SNTG1: variants seen among roughly 807,000 people sequenced by gnomAD.
SNTG1 encodes the protein syntrophin gamma 1.
Under a neutral mutation model 74.7 loss-of-function variants are expected in SNTG1, and 39 were observed. The observed-to-expected ratio is 0.52, with a 90% confidence interval of 0.40 to 0.68. The LOEUF (loss-of-function observed/expected upper bound fraction) is 0.68. Among genes scored for constraint, SNTG1 ranks in the 30% least tolerant of loss-of-function variants. SNTG1 has a pLI of 0.00. For synonymous variants in SNTG1, 254 were observed against 217.1 expected (o/e 1.17, Z -1.49); for missense variants, 685 against 609.5 (o/e 1.12, Z -1.30).
Position 50,773,862 on chromosome 8 carries a change from A to C in SNTG1, c.1396-18809A>C, listed in dbSNP as rs571254542. Among the ~76,000 whole-genome samples, 31 of 152,268 alleles carry C rather than the reference A, an allele frequency of 2.0e-4. No individual in the cohort carries two copies. In the East Asian group the frequency reaches 4.3e-3, roughly 21 times the overall value. ...GGTCTAAATGAAGCTATGCCCAAAG[A>C]ATTAACCTGTTTGACCAAATAGAGA... On this transcript the variant is annotated intron_variant, in intron 18 of 18. Coordinates refer to ENST00000642720, the MANE Select transcript of SNTG1 (RefSeq NM_018967.5).
intron 2 of SNTG1, among the ~76,000 whole-genome samples, chr8:50,178,378 T>C (rs1229195836): frequency 1.3e-5 from 2 of 151,556 alleles, no homozygotes; most frequent in East Asian, 3.9e-4. Context: ...TTTCTGTCAC[T>C]TTCTGTCTCT....
At chr8:50,736,761 T>C (rs1431400211) in intron 17 of SNTG1, among the ~76,000 whole-genome samples, 1 of 152,072 alleles carries the variant, frequency 6.6e-6, no homozygotes, top group Admixed American at 6.6e-5. Context: ...AACTCAGGAC[T>C]AAGAAACTCA....
At chr8:50,472,237 G>A (rs2093659480) in intron 8 of SNTG1, among the ~76,000 whole-genome samples, 1 of 152,090 alleles carries the variant, frequency 6.6e-6, no homozygotes, top group Admixed American at 6.6e-5. Context: ...AAGAGCAAAA[G>A]TTATATTGAA....
At chr8:50,646,216 C>A (rs2095108165) in intron 13 of SNTG1, among the ~76,000 whole-genome samples, 1 of 152,118 alleles carries the variant, frequency 6.6e-6, no homozygotes, top group Non-Finnish European at 1.5e-5. Flanking sequence ...AATACACAGC[C>A]TTACCGGCTG....
chr8:50,478,912 TTTAA>T (rs1458663009), intron 8 of SNTG1, among the ~76,000 whole-genome samples: 1 of 152,202 alleles, frequency 6.6e-6, no homozygotes, highest in East Asian at 1.9e-4. Context: ...TTCCTCTTAT[TTTAA>T]TTAATCTAAT....
intron 12 of SNTG1, among the ~76,000 whole-genome samples, chr8:50,582,048 C>T (rs1563607490): frequency 6.6e-6 from 1 of 152,140 alleles, no homozygotes; most frequent in African/African-American, 2.4e-5. Flanking sequence ...CTTCCCAGCC[C>T]TATTTTGTCT....
intron 1 of SNTG1, among the ~76,000 whole-genome samples, chr8:49,995,315 C>A (rs976148074): frequency 5.3e-5 from 8 of 152,070 alleles, no homozygotes; most frequent in Non-Finnish European, 1.0e-4. Flanking sequence ...TTTTAGGTGG[C>A]TTTTTAAAAG....
At chr8:50,091,253 T>C (rs1025959351) in intron 1 of SNTG1, among the ~76,000 whole-genome samples, 1 of 152,106 alleles carries the variant, frequency 6.6e-6, no homozygotes, top group African/African-American at 2.4e-5. Context: ...GAAATTTACA[T>C]AACGGTCTCG....
intron 1 of SNTG1, among the ~76,000 whole-genome samples, chr8:50,038,265 C>T (rs543922461): frequency 7.9e-5 from 12 of 152,210 alleles, no homozygotes; most frequent in African/African-American, 2.4e-4. Context: ...AGGCAAGAAT[C>T]GGGTGGACTA....
intron 2 of SNTG1, among the ~76,000 whole-genome samples, chr8:50,352,395 C>A (rs2091689059): frequency 6.7e-6 from 1 of 149,234 alleles, no homozygotes; most frequent in African/African-American, 2.5e-5. Flanking sequence ...TTCGTTCTTT[C>A]TCTTTTTTTT....
chr8:50,318,353 C>A (rs544880844), intron 2 of SNTG1, among the ~76,000 whole-genome samples: 2 of 152,280 alleles, frequency 1.3e-5, no homozygotes, highest in African/African-American at 4.8e-5. Context: ...TAAAAAGCAT[C>A]GGTATTTCTT....
At chr8:50,315,278 G>C (rs1198356380) in intron 2 of SNTG1, among the ~76,000 whole-genome samples, 2 of 149,596 alleles carry the variant, frequency 1.3e-5, no homozygotes, top group African/African-American at 5.0e-5. Flanking sequence ...CTACGGAAAA[G>C]GAACAATATC....
intron 4 of SNTG1, among the ~76,000 whole-genome samples, chr8:50,422,054 C>G (rs2093094639): frequency 6.6e-6 from 1 of 152,036 alleles, no homozygotes; most frequent in Non-Finnish European, 1.5e-5. Context: ...CTCAATCTCT[C>G]CTAGACCTGG....
chr8:50,564,967 G>A lies in SNTG1; in HGVS notation c.810+11788G>A, dbSNP rs144893659. 5.4e-3 allele frequency among the ~76,000 whole-genome samples: 820 copies of A among 152,110 alleles called. 7 individuals are homozygous for A. The highest frequency in any genetic ancestry group is 0.018 in the African/African-American group (758 of 41,504). On this transcript the variant is annotated intron_variant, in intron 12 of 18. Coordinates refer to ENST00000642720, the MANE Select transcript of SNTG1 (RefSeq NM_018967.5). Reference sequence around the variant, plus strand: ...TTTGGAGTGGACAAACCTAACAAACGCTACTGCAGCTGGGTGGTTAACGTC... The same window carrying A: ...TTTGGAGTGGACAAACCTAACAAACACTACTGCAGCTGGGTGGTTAACGTC...
At chr8:50,252,194 A>T (rs2086674058) in intron 2 of SNTG1, among the ~76,000 whole-genome samples, 1 of 152,154 alleles carries the variant, frequency 6.6e-6, no homozygotes, top group African/African-American at 2.4e-5. Context: ...TGAACTGTAT[A>T]GAAAATAACA....
At chr8:50,116,839 C>T (rs765789792) in intron 1 of SNTG1, among the ~76,000 whole-genome samples, 2 of 152,112 alleles carry the variant, frequency 1.3e-5, no homozygotes, top group Non-Finnish European at 2.9e-5. Context: ...ATTCACTCTG[C>T]AAATTTACTT....
At chr8:50,396,579 G>A (rs561156050) in intron 3 of SNTG1, among the ~76,000 whole-genome samples, 12 of 152,112 alleles carry the variant, frequency 7.9e-5, no homozygotes, top group East Asian at 3.9e-4. Flanking sequence ...AAATTAAATC[G>A]TATTTGGCAC....
At chr8:49,994,052 T>C (rs978231479) in intron 1 of SNTG1, among the ~76,000 whole-genome samples, 1 of 152,102 alleles carries the variant, frequency 6.6e-6, no homozygotes, top group African/African-American at 2.4e-5. Context: ...GTTTATTGAA[T>C]TTTACTACAA....
chr8:50,577,152 A>G (rs949822989), intron 12 of SNTG1, among the ~76,000 whole-genome samples: 1 of 152,046 alleles, frequency 6.6e-6, no homozygotes, highest in Admixed American at 6.6e-5. Context: ...GTTTCCTTCT[A>G]TTTCTAGTAT....
Sources: gnomAD v4.1 joint callset for allele counts (sites outside exome capture counted in the v4.1 genomes callset) on GRCh38, gnomAD v4.1.1 for gene constraint, MANE v1.5 for transcripts, NCBI Gene and HGNC (gene_info 2026-07-23, HGNC 2026-07-21) for gene names.